The following VIT variants were observed in gnomAD, a reference collection of about 807,000 sequenced individuals.
VIT encodes the protein vitrin.
Under a neutral mutation model 78.0 loss-of-function variants are expected in VIT, and 99 were observed. That is an observed-to-expected ratio of 1.27 (90% CI 1.08 to 1.50). The LOEUF (loss-of-function observed/expected upper bound fraction) is 1.50. Ranked by LOEUF, VIT falls within the 40% of genes most tolerant of loss-of-function variation. The probability of loss-of-function intolerance (pLI) is 0.00; values close to 1 mark genes in which losing one functional copy is unlikely to be tolerated. For synonymous variants in VIT, 374 were observed against 334.3 expected, an observed-to-expected ratio of 1.12 and a Z score of -1.29; for missense variants, 1,126 against 875.3, an observed-to-expected ratio of 1.29 and a Z score of -3.61.
chr2:36,715,845 C>T lies in VIT; in HGVS notation c.-18-508C>T, dbSNP rs529446186. Among the ~76,000 whole-genome samples, 7 of 152,288 alleles carry T rather than the reference C, an allele frequency of 4.6e-5. No individual in the cohort carries two copies. The East Asian group carries it at 1.2e-3, about 25-fold the overall frequency. ...AATTTAACATGGTTATTTGTGTCCA[C>T]TTATGTTTTTCCACCTATATTAAAC... On this transcript the variant is annotated intron_variant, in intron 1 of 15. Transcript: ENST00000379242.
At position 36,760,530 on chromosome 2, in the gene VIT, C is replaced by G. The variant is rs367559820; in HGVS notation, c.487+1484C>G. On this transcript the variant is annotated intron_variant, in intron 6 of 15. Coordinates refer to ENST00000379242, the MANE Select transcript of VIT (RefSeq NM_053276.4). ...GCAGTGGGTCTGGTGCCTCGTGGGCCATTTCTGAGATATCGCTTGTCCTCT... is the reference window on the plus strand; with the variant it reads ...GCAGTGGGTCTGGTGCCTCGTGGGCGATTTCTGAGATATCGCTTGTCCTCT... 6.1e-4 allele frequency among the ~76,000 whole-genome samples: 93 copies of G among 152,274 alleles called. 1 individual carries two copies. Among genetic ancestry groups the G allele is most frequent in the African/African-American group, 2.1e-3 (88 of 41,536 alleles).
chr2:36,715,018 A>C (rs1307405338), intron 1 of VIT, among the ~76,000 whole-genome samples: 1 of 152,074 alleles, frequency 6.6e-6, no homozygotes, highest in Admixed American at 6.6e-5. Flanking sequence ...CTGTTCCCCC[A>C]CTTGGAGCCA....
At chr2:36,790,280 C>T (rs905723666) in intron 12 of VIT, among the ~76,000 whole-genome samples, 6 of 152,214 alleles carry the variant, frequency 3.9e-5, no homozygotes, top group African/African-American at 1.2e-4. Flanking sequence ...GAGACATTGG[C>T]CATCCCCTTC....
intron 6 of VIT, among the ~76,000 whole-genome samples, chr2:36,766,774 T>C (rs557761947): frequency 1.1e-4 from 16 of 152,358 alleles, no homozygotes; most frequent in African/African-American, 3.6e-4. Context: ...AAAAAAAATG[T>C]ACATAAACCA....
At chr2:36,761,223 G>A (rs1481368959) in intron 6 of VIT, among the ~76,000 whole-genome samples, 1 of 152,184 alleles carries the variant, frequency 6.6e-6, no homozygotes, top group Middle Eastern at 3.2e-3. Context: ...CTCTCTTAAA[G>A]CACCTTCATT....
chr2:36,769,466 A>C (rs13001015), intron 7 of VIT, among the ~76,000 whole-genome samples: 85,752 of 151,774 alleles, frequency 0.56, 24,718 homozygotes, highest in East Asian at 0.74. Context: ...CCTTGTCCAG[A>C]GCCCACTTCT....
Position 36,808,543 on chromosome 2 carries a change from G to A in VIT, c.1461G>A (p.Gln487=), listed in dbSNP as rs1208377456. 6.2e-7 allele frequency: 1 copy of A among 1,614,108 alleles called. No individual in the cohort carries two copies. Among genetic ancestry groups the A allele is most frequent in the Admixed American group, 1.7e-5 (1 of 60,030 alleles). Reference sequence around the variant, plus strand: ...GGTTTGGCCTCCACAAGACCCTGCAGCCTCTGGTGAAGCGGGTCTGCGACA... The same window carrying A: ...GGTTTGGCCTCCACAAGACCCTGCAACCTCTGGTGAAGCGGGTCTGCGACA... The part of the protein sequence containing the change: ...QSWFGLHKTL[Q]PLVKRVCDTD... The change falls in exon 15 of 16, where the codon CAG becomes CAA. Residue 487 remains glutamine, a synonymous_variant. Transcript: ENST00000379242.
intron 4 of VIT, among the ~76,000 whole-genome samples, chr2:36,748,737 T>C (rs1668284145): frequency 1.3e-5 from 2 of 152,238 alleles, no homozygotes; most frequent in East Asian, 3.8e-4. Flanking sequence ...TCAGGTCCTG[T>C]TCAGGACTGA....
At chr2:36,758,945 G>GTTTTTTTTTTT in intron 5 of VIT, 24 bp from the exon 6 acceptor site, 21 of 1,393,190 alleles carry the variant, frequency 1.5e-5, no homozygotes, top group Middle Eastern at 1.8e-4. Flanking sequence ...AATAAATCTC[G>GTTTTTTTTTTT]TTTTTTTTTT....
At chr2:36,720,446 G>T (rs899617352) in intron 2 of VIT, among the ~76,000 whole-genome samples, 2 of 152,116 alleles carry the variant, frequency 1.3e-5, no homozygotes, top group African/African-American at 4.8e-5. Flanking sequence ...ACACGCAGAA[G>T]AATGTAATTG....
intron 5 of VIT, among the ~76,000 whole-genome samples, chr2:36,756,877 A>G (rs1296736661): frequency 2.0e-5 from 3 of 152,242 alleles, no homozygotes; most frequent in African/African-American, 4.8e-5. Context: ...AAGAATCTCA[A>G]CAGAGGTTTA....
chr2:36,782,199 C>T (rs189012280), intron 10 of VIT, among the ~76,000 whole-genome samples: 9 of 152,196 alleles, frequency 5.9e-5, no homozygotes, highest in Non-Finnish European at 1.3e-4. Context: ...CACACAAGAC[C>T]TTCCAGCTCT....
intron 14 of VIT, among the ~76,000 whole-genome samples, chr2:36,806,540 A>C: frequency 6.6e-6 from 1 of 150,874 alleles, no homozygotes; most frequent in Non-Finnish European, 1.5e-5. Flanking sequence ...CACTGCTTCC[A>C]CCTTTATCTC....
intron 1 of VIT, among the ~76,000 whole-genome samples, chr2:36,704,034 T>C (rs1320014073): frequency 6.6e-6 from 1 of 151,550 alleles, no homozygotes; most frequent in African/African-American, 2.4e-5. Flanking sequence ...TGACTGATTC[T>C]CCTGCCTCAG....
At chr2:36,779,904 C>A (rs1664621991) in intron 9 of VIT, among the ~76,000 whole-genome samples, 1 of 151,260 alleles carries the variant, frequency 6.6e-6, no homozygotes, top group South Asian at 2.1e-4. Context: ...TTTATGACAA[C>A]CCTACACTGC....
intron 1 of VIT, among the ~76,000 whole-genome samples, chr2:36,715,704 G>T (rs936442882): frequency 6.6e-6 from 1 of 152,162 alleles, no homozygotes; most frequent in East Asian, 1.9e-4. Flanking sequence ...CTGGGCATCA[G>T]AATTTTTTTA....
intron 7 of VIT, among the ~76,000 whole-genome samples, chr2:36,768,494 C>G (rs1669570433): frequency 6.6e-6 from 1 of 152,214 alleles, no homozygotes; most frequent in Admixed American, 6.5e-5. Context: ...CTTCTGAACA[C>G]CTTACAAATA....
At position 36,716,329 on chromosome 2, in the gene VIT, A is replaced by G. The variant is rs200174127; in HGVS notation, c.-18-24A>G. ...CAGAACCCCCGGCTGAAATATGATG[A>G]CGTTATTGTTTCTTTCTCTCCAGGG... On this transcript the variant is annotated intron_variant, in intron 1 of 15. Transcript: ENST00000379242. 1.9e-6 allele frequency: 3 copies of G among 1,599,266 alleles called. No individual in the cohort carries two copies. In the Admixed American group the frequency reaches 5.0e-5, roughly 27 times the overall value.
At chr2:36,794,310 G>A (rs920626161) in intron 12 of VIT, among the ~76,000 whole-genome samples, 3 of 138,724 alleles carry the variant, frequency 2.2e-5, no homozygotes, top group African/African-American at 7.9e-5. Context: ...ATTTTCAAAG[G>A]AAATCTTTGA....
Sources: gnomAD v4.1 joint callset for allele counts (sites outside exome capture counted in the v4.1 genomes callset) on GRCh38, gnomAD v4.1.1 for gene constraint, MANE v1.5 for transcripts, NCBI Gene and HGNC (gene_info 2026-07-23, HGNC 2026-07-21) for gene names.